RAB5A: variants seen among roughly 807,000 people sequenced by gnomAD.
RAB5A encodes the protein ras-related protein Rab-5A.
A neutral mutation model predicts 25.7 loss-of-function variants in RAB5A; 8 were observed. The observed-to-expected ratio is 0.31, with a 90% CI of 0.18 to 0.56. RAB5A has a LOEUF of 0.56. RAB5A is among the 20% of genes least tolerant of loss of function. The probability of loss-of-function intolerance (pLI) is 0.91; values close to 1 mark genes in which losing one functional copy is unlikely to be tolerated. For missense variants in RAB5A, 192 were observed against 259.7 expected (o/e 0.74, Z 1.79); for synonymous variants, 98 against 89.8 (o/e 1.09, Z -0.52).
intron 2 of RAB5A, among the ~76,000 whole-genome samples, chr3:19,965,174 G>A (rs953683430): frequency 5.3e-5 from 8 of 152,034 alleles, no homozygotes; most frequent in Admixed American, 2.6e-4. Context: ...CACCCGCCTC[G>A]GCCCCCCAGA....
chr3:19,966,226 TCACC>T (rs1402205246), intron 2 of RAB5A, among the ~76,000 whole-genome samples: 1 of 152,172 alleles, frequency 6.6e-6, no homozygotes, highest in Non-Finnish European at 1.5e-5. Flanking sequence ...CAACTACCAT[TCACC>T]TTTTTCTCTC....
intron 2 of RAB5A, among the ~76,000 whole-genome samples, chr3:19,955,595 T>A (rs1300953103): frequency 1.3e-5 from 2 of 152,098 alleles, no homozygotes; most frequent in Non-Finnish European, 2.9e-5. Context: ...GTTTGTCAGA[T>A]TTTTAAAAAC....
intron 1 of RAB5A, among the ~76,000 whole-genome samples, chr3:19,948,439 A>G (rs1696366269): frequency 6.6e-6 from 1 of 152,232 alleles, no homozygotes; most frequent in African/African-American, 2.4e-5. Flanking sequence ...AGTGCCTGGC[A>G]CAAAATAAGT....
At chr3:19,981,327 G>C (rs2125133400) in intron 5 of RAB5A, among the ~76,000 whole-genome samples, 1 of 152,258 alleles carries the variant, frequency 6.6e-6, no homozygotes, top group Non-Finnish European at 1.5e-5. Flanking sequence ...TCATAAATCA[G>C]GCTGGGCGCA....
At chr3:19,948,313 A>G (rs546819923) in intron 1 of RAB5A, among the ~76,000 whole-genome samples, 3 of 152,324 alleles carry the variant, frequency 2.0e-5, no homozygotes, top group Middle Eastern at 6.8e-3. Flanking sequence ...CCTTTCACAT[A>G]ATAAGAAAAA....
chr3:19,949,740 T>C (rs988732091), intron 1 of RAB5A, among the ~76,000 whole-genome samples: 2 of 152,170 alleles, frequency 1.3e-5, no homozygotes, highest in Admixed American at 6.5e-5. Flanking sequence ...ATGTGTTGTT[T>C]AAATAAAAAA....
At chr3:19,969,042 TTGG>T (rs1559490128) in intron 2 of RAB5A, among the ~76,000 whole-genome samples, 18 of 76,236 alleles carry the variant, frequency 2.4e-4, no homozygotes, top group African/African-American at 9.5e-4. Context: ...TTTTTTTTTT[TTGG>T]TTTTTTTTTT....
chr3:19,978,145 CTCT>C (rs1329263990), intron 4 of RAB5A, among the ~76,000 whole-genome samples, 162 bp from the exon 5 acceptor site: 1 of 152,150 alleles, frequency 6.6e-6, no homozygotes, highest in Non-Finnish European at 1.5e-5. Context: ...TTGCACAGTG[CTCT>C]TACCTCTGTT....
intron 2 of RAB5A, among the ~76,000 whole-genome samples, chr3:19,968,390 C>G (rs756660999): frequency 2.0e-5 from 3 of 152,052 alleles, no homozygotes; most frequent in Non-Finnish European, 4.4e-5. Context: ...TTTTTGAAAA[C>G]CAGAAAATCT....
chr3:19,959,352 C>T (rs574752026), intron 2 of RAB5A, among the ~76,000 whole-genome samples: 133 of 151,940 alleles, frequency 8.8e-4, no homozygotes, highest in African/African-American at 3.0e-3. Context: ...TAATCTGGTG[C>T]TATATATTAA....
chr3:19,948,740 TTTGA>T (rs1183315779), intron 1 of RAB5A, among the ~76,000 whole-genome samples: 1 of 150,474 alleles, frequency 6.6e-6, no homozygotes, highest in Non-Finnish European at 1.5e-5. Context: ...CAGAATCTTG[TTTGA>T]TTTTTTTTTT....
intron 2 of RAB5A, chr3:19,970,535 A>G (rs138299465): frequency 8.6e-4 from 392 of 456,686 alleles, no homozygotes; most frequent in African/African-American, 7.0e-3. Context: ...TCTACTTGTC[A>G]TCGCGTACAC....
intron 2 of RAB5A, among the ~76,000 whole-genome samples, chr3:19,955,735 A>G (rs965775109): frequency 2.6e-5 from 4 of 152,088 alleles, no homozygotes; most frequent in Non-Finnish European, 2.9e-5. Context: ...TGCTAAAAAT[A>G]CAAAAATTAG....
intron 5 of RAB5A, among the ~76,000 whole-genome samples, chr3:19,979,757 C>T (rs891398378): frequency 4.0e-5 from 6 of 151,490 alleles, no homozygotes; most frequent in Non-Finnish European, 8.8e-5. Flanking sequence ...ATAGATTCTA[C>T]CTGAAGGGTC....
chr3:19,957,418 A>C (rs367801888), intron 2 of RAB5A, among the ~76,000 whole-genome samples: 2 of 151,922 alleles, frequency 1.3e-5, no homozygotes, highest in Non-Finnish European at 2.9e-5. Flanking sequence ...TGTAATCCCA[A>C]CACTTTGGGA....
At chr3:19,966,839 C>CT (rs1262705273) in intron 2 of RAB5A, among the ~76,000 whole-genome samples, 3 of 152,182 alleles carry the variant, frequency 2.0e-5, no homozygotes, top group African/African-American at 7.2e-5. Flanking sequence ...GGGTCTCACT[C>CT]TGTCACCCAG....
chr3:19,969,045 G>GTT (rs386396075), intron 2 of RAB5A, among the ~76,000 whole-genome samples: 10 of 103,446 alleles, frequency 9.7e-5, no homozygotes, highest in East Asian at 6.4e-4. Context: ...TTTTTTTTTG[G>GTT]TTTTTTTTTT....
chr3:19,977,898 A>G (rs1696850748), intron 4 of RAB5A, among the ~76,000 whole-genome samples: 1 of 152,250 alleles, frequency 6.6e-6, no homozygotes, highest in Admixed American at 6.5e-5. Flanking sequence ...TGAGGTTGTC[A>G]TTTAGTGTTT....
chr3:19,960,900 G>T (rs1261846851), intron 2 of RAB5A, among the ~76,000 whole-genome samples: 1 of 152,094 alleles, frequency 6.6e-6, no homozygotes, highest in African/African-American at 2.4e-5. Flanking sequence ...GAAGAAGTGG[G>T]TAATCTTGAT....
Sources: allele counts gnomAD v4.1 joint callset (sites outside exome capture counted in the v4.1 genomes callset), GRCh38; gene constraint gnomAD v4.1.1; transcripts MANE v1.5; gene names NCBI Gene and HGNC (gene_info 2026-07-23, HGNC 2026-07-21).